The following ATP8A2 variants were observed in gnomAD, a reference collection of about 807,000 sequenced individuals.
The protein encoded by ATP8A2 is ATPase phospholipid transporting 8A2.
ATP8A2 carries 100 observed loss-of-function variants against 165.6 expected under a neutral mutation model. The ratio of observed to expected loss-of-function variants is 0.60; its 90% CI spans 0.51 to 0.71. ATP8A2 has a LOEUF of 0.71. Ranked by LOEUF, ATP8A2 falls within the 30% of genes least tolerant of loss-of-function variation. The pLI, the probability that ATP8A2 is intolerant of heterozygous loss-of-function variation, is 0.00. For missense variants in ATP8A2, 1,227 were observed against 1,479.5 expected, an observed-to-expected ratio of 0.83 and a Z score of 2.80; for synonymous variants, 543 against 548.8, an observed-to-expected ratio of 0.99 and a Z score of 0.15.
At chr13:25,669,608 C>T (rs1004565817) in intron 24 of ATP8A2, among the ~76,000 whole-genome samples, 3 of 152,094 alleles carry the variant, frequency 2.0e-5, no homozygotes, top group Non-Finnish European at 2.9e-5. Flanking sequence ...GCTTCCACAG[C>T]GTATACATTT....
intron 1 of ATP8A2, among the ~76,000 whole-genome samples, chr13:25,409,432 C>T (rs1025958001): frequency 1.3e-5 from 2 of 152,086 alleles, no homozygotes; most frequent in African/African-American, 4.8e-5. Context: ...AATAGCCAAG[C>T]CAAAATATGA....
At chr13:25,957,294 T>TCTGCA (rs1955549839) in intron 33 of ATP8A2, among the ~76,000 whole-genome samples, 1 of 151,758 alleles carries the variant, frequency 6.6e-6, no homozygotes, top group Admixed American at 6.6e-5. Flanking sequence ...CTAAAGAGCA[T>TCTGCA]CAGCAAAAGA....
At chr13:25,861,593 A>G (rs1316915008) in intron 32 of ATP8A2, among the ~76,000 whole-genome samples, 3 of 152,234 alleles carry the variant, frequency 2.0e-5, no homozygotes, top group Admixed American at 2.0e-4. Context: ...GAATCCCCTA[A>G]GAGACAGTGG....
chr13:25,693,155 T>C (rs893350866), intron 24 of ATP8A2, among the ~76,000 whole-genome samples: 1 of 152,206 alleles, frequency 6.6e-6, no homozygotes, highest in Non-Finnish European at 1.5e-5. Flanking sequence ...GGCCCTGGGA[T>C]CCAACCATAA....
chr13:25,517,245 A>G (rs1221290948), intron 2 of ATP8A2: 1 of 152,164 alleles, frequency 6.6e-6, no homozygotes, highest in East Asian at 1.9e-4. Flanking sequence ...AAAAAAAGAA[A>G]GAATAAATCA....
chr13:25,475,685 A>G (rs986735650), intron 2 of ATP8A2, among the ~76,000 whole-genome samples: 10 of 152,136 alleles, frequency 6.6e-5, no homozygotes, highest in Admixed American at 2.0e-4. Context: ...CGTATGTTAT[A>G]TTTTGGCTTT....
At chr13:25,933,576 G>A (rs535898367) in intron 33 of ATP8A2, among the ~76,000 whole-genome samples, 1 of 152,350 alleles carries the variant, frequency 6.6e-6, no homozygotes, top group East Asian at 1.9e-4. Flanking sequence ...TAGGACGTAG[G>A]TAGGTGCCTA....
chr13:25,623,163 C>T (rs769709256), intron 24 of ATP8A2, among the ~76,000 whole-genome samples: 13 of 152,086 alleles, frequency 8.5e-5, no homozygotes, highest in Non-Finnish European at 1.3e-4. Flanking sequence ...GCGGGAGGAT[C>T]GCTTGAGGCC....
intron 1 of ATP8A2, among the ~76,000 whole-genome samples, chr13:25,383,356 G>A (rs1382984708): frequency 6.6e-6 from 1 of 152,130 alleles, no homozygotes; most frequent in Non-Finnish European, 1.5e-5. Context: ...ACCCACCTCA[G>A]CCTCCCAAAG....
intron 24 of ATP8A2, among the ~76,000 whole-genome samples, chr13:25,632,905 C>T (rs1024443457): frequency 1.3e-5 from 2 of 152,180 alleles, no homozygotes; most frequent in Non-Finnish European, 2.9e-5. Context: ...AGCGAGGAGA[C>T]TCTAGAAGTT....
intron 35 of ATP8A2, among the ~76,000 whole-genome samples, chr13:26,005,529 A>C (rs529889089): frequency 3.4e-4 from 52 of 152,044 alleles, no homozygotes; most frequent in Non-Finnish European, 6.9e-4. Context: ...AAAGTGTAAC[A>C]TTAGGTTGTT....
At chr13:25,443,824 G>A (rs1027456287) in intron 1 of ATP8A2, among the ~76,000 whole-genome samples, 13 of 152,172 alleles carry the variant, frequency 8.5e-5, no homozygotes, top group African/African-American at 3.1e-4. Flanking sequence ...TGCCTAGAAG[G>A]GTGCCTGGCA....
chr13:25,579,366 C>T (rs1248151233), intron 21 of ATP8A2, among the ~76,000 whole-genome samples: 1 of 152,190 alleles, frequency 6.6e-6, no homozygotes, highest in Non-Finnish European at 1.5e-5. Flanking sequence ...GCTTTCTGGC[C>T]TCTGGCTCTG....
intron 26 of ATP8A2, among the ~76,000 whole-genome samples, chr13:25,771,158 A>C (rs2044610618): frequency 6.6e-6 from 1 of 152,244 alleles, no homozygotes; most frequent in Non-Finnish European, 1.5e-5. Context: ...GAAGTAGGTA[A>C]GAGAAGGAAT....
chr13:25,650,957 C>A (rs7333006), intron 24 of ATP8A2, among the ~76,000 whole-genome samples: 38,591 of 151,758 alleles, frequency 0.25, 5,174 homozygotes, highest in South Asian at 0.47. Context: ...CATTTTTCTG[C>A]ATTGTCCTTA....
chr13:25,520,634 T>C (rs904327025), intron 2 of ATP8A2, among the ~76,000 whole-genome samples: 4 of 149,454 alleles, frequency 2.7e-5, no homozygotes, highest in Non-Finnish European at 5.9e-5. Context: ...GGAGTCTTGC[T>C]CTGTCTCCCA....
chr13:25,639,237 A>C (rs2041450804), intron 24 of ATP8A2, among the ~76,000 whole-genome samples: 1 of 152,198 alleles, frequency 6.6e-6, no homozygotes, highest in Non-Finnish European at 1.5e-5. Flanking sequence ...GACAGGATCA[A>C]ATTCACACAT....
intron 24 of ATP8A2, among the ~76,000 whole-genome samples, chr13:25,698,366 A>G (rs1265786938): frequency 2.0e-5 from 3 of 152,028 alleles, no homozygotes; most frequent in Non-Finnish European, 4.4e-5. Flanking sequence ...GACTACAGAC[A>G]TGCAGCAGAC....
At chr13:25,813,303 A>T (rs1272128430) in intron 27 of ATP8A2, among the ~76,000 whole-genome samples, 1 of 149,434 alleles carries the variant, frequency 6.7e-6, no homozygotes, top group Non-Finnish European at 1.5e-5. Flanking sequence ...ACTCCAGAGT[A>T]AGGTCTTCAG....
Sources: allele counts gnomAD v4.1 joint callset (sites outside exome capture counted in the v4.1 genomes callset), GRCh38; gene constraint gnomAD v4.1.1; transcripts MANE v1.5; gene names NCBI Gene and HGNC (gene_info 2026-07-23, HGNC 2026-07-21).